Variants in NT5DC1 observed in about 807,000 individuals in gnomAD.
NT5DC1 encodes 5'-nucleotidase domain-containing protein 1.
In NT5DC1, 42 loss-of-function variants were observed where a neutral mutation model predicts 59.4. That is an observed-to-expected ratio of 0.71 (90% CI 0.55 to 0.92). The LOEUF (loss-of-function observed/expected upper bound fraction) is 0.92. Ranked by LOEUF, NT5DC1 falls within the 40% of genes least tolerant of loss-of-function variation. The probability of loss-of-function intolerance (pLI) is 0.00; values close to 1 mark genes in which losing one functional copy is unlikely to be tolerated. For missense variants in NT5DC1, 501 were observed against 537.1 expected (o/e 0.93, Z 0.66); for synonymous variants, 172 against 188.1 (o/e 0.91, Z 0.70).
chr6:116,201,710 C>T (rs1241977978), intron 6 of NT5DC1, among the ~76,000 whole-genome samples: 1 of 152,004 alleles, frequency 6.6e-6, no homozygotes, highest in Non-Finnish European at 1.5e-5. Flanking sequence ...CATGTGAGGT[C>T]ATGGGCAAGG....
At chr6:116,133,140 C>T (rs924441048) in intron 6 of NT5DC1, among the ~76,000 whole-genome samples, 5 of 152,144 alleles carry the variant, frequency 3.3e-5, no homozygotes, top group Admixed American at 6.6e-5. Context: ...CTCATAGTTT[C>T]GTGCGCCAAG....
chr6:116,121,269 G>A (rs1779114340), intron 6 of NT5DC1: 2 of 1,613,932 alleles, frequency 1.2e-6, no homozygotes, highest in Non-Finnish European at 1.7e-6. Context: ...GCCCCAGGGA[G>A]ACCTTTTGTT....
chr6:116,247,060 TAGTA>T lies in NT5DC1; in HGVS notation c.*3039_*3042del, dbSNP rs1054309075. On this transcript the variant is annotated 3_prime_UTR_variant, in exon 12 of 12. Coordinates refer to ENST00000319550, the MANE Select transcript of NT5DC1 (RefSeq NM_152729.3). The stretch of plus-strand genomic sequence containing the variant: ...CAATGCTTGCTCTGTGTTACACTGT[TAGTA>T]AGAGAGCAATACATGAACCCAAGTT... 5.9e-5 allele frequency: 9 copies of T among 152,308 alleles called. No individual in the cohort carries two copies. The East Asian group carries it at 1.2e-3, about 20-fold the overall frequency. The allele number at this position is 152,308 out of a possible 1,614,324, so 9.4% of individuals were successfully genotyped here. A position where few individuals can be genotyped will look rare whatever the true frequency, so the allele number is the denominator to read the frequency against.
intron 6 of NT5DC1, among the ~76,000 whole-genome samples, chr6:116,173,352 A>G (rs952381591): frequency 3.9e-5 from 6 of 152,204 alleles, no homozygotes; most frequent in Non-Finnish European, 7.4e-5. Flanking sequence ...CTCTTTAACA[A>G]TCTGAAGTTG....
intron 9 of NT5DC1, chr6:116,237,536 A>G (rs968615697): frequency 2.2e-6 from 1 of 457,002 alleles, no homozygotes; most frequent in Non-Finnish European, 4.4e-6. Context: ...TCACCATGCC[A>G]CAGTCTCCTG....
At chr6:116,231,588 T>G (rs531574388) in intron 8 of NT5DC1, among the ~76,000 whole-genome samples, 2 of 152,316 alleles carry the variant, frequency 1.3e-5, no homozygotes, top group Non-Finnish European at 2.9e-5. Flanking sequence ...CTGTGAAATA[T>G]AGTAAAAATG....
chr6:116,134,239 A>G (rs539496976), intron 6 of NT5DC1, among the ~76,000 whole-genome samples: 78 of 152,236 alleles, frequency 5.1e-4, no homozygotes, highest in African/African-American at 1.7e-3. Flanking sequence ...CTGACCCTCT[A>G]TGTATACCAG....
At chr6:116,150,266 G>T (rs544416249) in intron 6 of NT5DC1, among the ~76,000 whole-genome samples, 73 of 149,222 alleles carry the variant, frequency 4.9e-4, no homozygotes, top group African/African-American at 1.5e-3. Flanking sequence ...TAAGAAAATG[G>T]TTTTTTTTTT....
At chr6:116,121,567 A>T in intron 6 of NT5DC1, 2 of 1,613,662 alleles carry the variant, frequency 1.2e-6, no homozygotes, top group Non-Finnish European at 1.7e-6. Flanking sequence ...GTCCATTCAT[A>T]CCAGGGACTC....
chr6:116,211,158 A>C (rs1781570163), intron 6 of NT5DC1, among the ~76,000 whole-genome samples: 1 of 152,068 alleles, frequency 6.6e-6, no homozygotes, highest in Non-Finnish European at 1.5e-5. Context: ...GAGAAAGCTC[A>C]AGCTAGCTAA....
intron 6 of NT5DC1, chr6:116,120,254 A>G: frequency 6.2e-7 from 1 of 1,614,226 alleles, no homozygotes; most frequent in Non-Finnish European, 8.5e-7. Flanking sequence ...GGTGTACATT[A>G]CAGGGGTGCC....
At chr6:116,138,972 A>T (rs753611894) in intron 6 of NT5DC1, among the ~76,000 whole-genome samples, 16 of 152,184 alleles carry the variant, frequency 1.1e-4, no homozygotes, top group Non-Finnish European at 1.9e-4. Flanking sequence ...TAGGATTTGT[A>T]TAATTGCAGC....
intron 7 of NT5DC1, among the ~76,000 whole-genome samples, chr6:116,222,353 T>C (rs1438060002): frequency 6.6e-6 from 1 of 152,188 alleles, no homozygotes; most frequent in Non-Finnish European, 1.5e-5. Flanking sequence ...TTAATTTCTA[T>C]GTATTGCTGT....
chr6:116,170,473 A>C (rs1780580503), intron 6 of NT5DC1, among the ~76,000 whole-genome samples: 1 of 152,166 alleles, frequency 6.6e-6, no homozygotes, highest in Non-Finnish European at 1.5e-5. Flanking sequence ...ATTTTCTCAT[A>C]GAAATGGTTC....
intron 6 of NT5DC1, among the ~76,000 whole-genome samples, chr6:116,163,141 A>AAAATATATATATAT (rs761718922): frequency 7.4e-4 from 65 of 88,360 alleles, no homozygotes; most frequent in African/African-American, 3.2e-3. Flanking sequence ...AAAAAAAAAA[A>AAAATATATATATAT]ATATATATAT....
chr6:116,143,203 A>G (rs1393648306), intron 6 of NT5DC1, among the ~76,000 whole-genome samples: 2 of 151,906 alleles, frequency 1.3e-5, no homozygotes, highest in Non-Finnish European at 2.9e-5. Flanking sequence ...ACATTTTCTC[A>G]CCTCTTTTGT....
At chr6:116,222,045 C>T (rs1195349723) in intron 7 of NT5DC1, among the ~76,000 whole-genome samples, 5 of 152,304 alleles carry the variant, frequency 3.3e-5, no homozygotes, top group African/African-American at 1.2e-4. Flanking sequence ...AGCCTTAAAA[C>T]CTACCTTCAC....
At chr6:116,108,308 T>C in intron 2 of NT5DC1, 56 bp from the exon 3 acceptor site, 1 of 1,091,762 alleles carries the variant, frequency 9.2e-7, no homozygotes, top group Non-Finnish European at 1.4e-6. Flanking sequence ...TAGGTTGTTA[T>C]TTCTTAGGTT....
intron 6 of NT5DC1, among the ~76,000 whole-genome samples, chr6:116,194,476 G>C (rs1010525578): frequency 6.6e-6 from 1 of 151,998 alleles, no homozygotes; most frequent in African/African-American, 2.4e-5. Context: ...TTGGTGAGAA[G>C]GGGAGAATCA....
Sources: allele counts gnomAD v4.1 joint callset (sites outside exome capture counted in the v4.1 genomes callset), GRCh38; gene constraint gnomAD v4.1.1; transcripts MANE v1.5; gene names NCBI Gene and HGNC (gene_info 2026-07-23, HGNC 2026-07-21).